The following OTUD7A variants were observed in gnomAD, a reference collection of about 807,000 sequenced individuals.
The protein encoded by OTUD7A is OTU domain-containing protein 7A.
Under a neutral mutation model 65.7 loss-of-function variants are expected in OTUD7A, and 12 were observed. The ratio of observed to expected loss-of-function variants is 0.18; its 90% confidence interval spans 0.12 to 0.30. The LOEUF (loss-of-function observed/expected upper bound fraction) is 0.30, where lower values mean the gene tolerates loss of function less well. OTUD7A is among the 10% of genes least tolerant of loss of function. The pLI, the probability that OTUD7A is intolerant of heterozygous loss-of-function variation, is 1.00. For synonymous variants in OTUD7A, 641 were observed against 586.3 expected, an observed-to-expected ratio of 1.09 and a Z score of -1.35; for missense variants, 1,148 against 1,304.8, an observed-to-expected ratio of 0.88 and a Z score of 1.85.
chr15:31,512,029 C>T (rs1249243960), intron 8 of OTUD7A, among the ~76,000 whole-genome samples: 1 of 152,148 alleles, frequency 6.6e-6, no homozygotes, highest in African/African-American at 2.4e-5. Context: ...CTTTTTGTGT[C>T]TAGTCCTAAG....
chr15:31,545,351 G>A (rs1486845214), intron 5 of OTUD7A, among the ~76,000 whole-genome samples: 1 of 152,038 alleles, frequency 6.6e-6, no homozygotes, highest in Non-Finnish European at 1.5e-5. Flanking sequence ...CAGGACCTTG[G>A]GGTAGGCAAA....
intron 1 of OTUD7A, chr15:31,768,265 G>A (rs1895141297): frequency 2.6e-6 from 2 of 769,942 alleles, no homozygotes; most frequent in Admixed American, 3.7e-5. Context: ...CAGCAGCCCG[G>A]GCAGCGGCGA....
chr15:31,517,052 G>T (rs1249999494), intron 8 of OTUD7A, among the ~76,000 whole-genome samples: 4 of 152,140 alleles, frequency 2.6e-5, no homozygotes, highest in Admixed American at 2.6e-4. Context: ...CTAGACACAG[G>T]CCAGACAGGA....
Position 31,530,696 on chromosome 15 carries a change from G to A in OTUD7A, c.652+11C>T, listed in dbSNP as rs1049821949. On this transcript the variant is annotated intron_variant, in intron 6 of 12. Transcript: ENST00000307050. ...AGCCTGGCCACCCTCTGTCTGTGCT[G>A]TGGAGCTTACCCAGTGAAGCAGCAT... 3.1e-6 allele frequency: 5 copies of A among 1,612,622 alleles called. No homozygotes were observed. Among genetic ancestry groups the A allele is most frequent in the Non-Finnish European group, 4.2e-6 (5 of 1,178,818 alleles).
At chr15:31,750,508 T>C (rs367578630) in intron 1 of OTUD7A, among the ~76,000 whole-genome samples, 2 of 140,428 alleles carry the variant, frequency 1.4e-5, no homozygotes, top group Non-Finnish European at 3.1e-5. Context: ...GAAAAAAAAA[T>C]CCAAAATTTA....
intron 9 of OTUD7A, among the ~76,000 whole-genome samples, chr15:31,503,050 G>A (rs1054995574): frequency 1.3e-5 from 2 of 152,200 alleles, no homozygotes; most frequent in African/African-American, 4.8e-5. Context: ...CCTGCCCTTG[G>A]CTGATCCCCG....
Position 31,851,755 on chromosome 15 carries a change from T to A in OTUD7A, c.-100+18752A>T, listed in dbSNP as rs184462901. On this transcript the variant is annotated intron_variant, in intron 1 of 12. Transcript: ENST00000307050. ...AGAGTTCACCAGTTACACATCCCCATGATTGACAATCCCATGTGAACTCTA... is the reference window on the plus strand; with the variant it reads ...AGAGTTCACCAGTTACACATCCCCAAGATTGACAATCCCATGTGAACTCTA... Among the ~76,000 whole-genome samples the A allele has an allele frequency of 7.9e-4, 121 of 152,360 alleles. 1 individual carries two copies. Among genetic ancestry groups the A allele is most frequent in the African/African-American group, 2.7e-3 (114 of 41,588 alleles).
chr15:31,572,087 ACATC>A (rs1889072593), intron 3 of OTUD7A, among the ~76,000 whole-genome samples: 1 of 152,216 alleles, frequency 6.6e-6, no homozygotes, highest in Non-Finnish European at 1.5e-5. Context: ...GTTACAACTT[ACATC>A]CTAAGTTTTA....
chr15:31,776,334 C>G (rs1895379370), intron 1 of OTUD7A, among the ~76,000 whole-genome samples: 1 of 152,324 alleles, frequency 6.6e-6, no homozygotes, highest in South Asian at 2.1e-4. Flanking sequence ...GGGCCAAGCC[C>G]TTGGTGTGAC....
intron 8 of OTUD7A, among the ~76,000 whole-genome samples, chr15:31,519,096 C>T (rs993248985): frequency 2.0e-5 from 3 of 151,242 alleles, no homozygotes; most frequent in Non-Finnish European, 4.4e-5. Flanking sequence ...TACTGATTAT[C>T]CACTACAGGT....
intron 1 of OTUD7A, among the ~76,000 whole-genome samples, chr15:31,738,885 A>G (rs1894263895): frequency 6.6e-6 from 1 of 152,246 alleles, no homozygotes; most frequent in South Asian, 2.1e-4. Context: ...CCTATTAAGT[A>G]TCCTTAAAGC....
At chr15:31,827,508 A>C (rs1181815061) in intron 1 of OTUD7A, among the ~76,000 whole-genome samples, 1 of 152,218 alleles carries the variant, frequency 6.6e-6, no homozygotes, top group Admixed American at 6.5e-5. Context: ...CACAGAGCTA[A>C]ACTGTATCAT....
chr15:31,686,637 G>A (rs1352462582), intron 1 of OTUD7A, among the ~76,000 whole-genome samples: 1 of 152,234 alleles, frequency 6.6e-6, no homozygotes, highest in African/African-American at 2.4e-5. Flanking sequence ...AAGGAAAAAG[G>A]AGATGTGGAA....
At chr15:31,523,720 G>C (rs1465314789) in intron 8 of OTUD7A, among the ~76,000 whole-genome samples, 1 of 152,224 alleles carries the variant, frequency 6.6e-6, no homozygotes, top group African/African-American at 2.4e-5. Context: ...TCAGGTGTCA[G>C]AAACTCAACC....
At chr15:31,720,095 T>G (rs1329363664) in intron 1 of OTUD7A, among the ~76,000 whole-genome samples, 2 of 152,070 alleles carry the variant, frequency 1.3e-5, no homozygotes, top group African/African-American at 4.8e-5. Context: ...TTAATAAAAA[T>G]GTAAATTGTA....
At chr15:31,660,522 C>A (rs1021718444) in intron 1 of OTUD7A, among the ~76,000 whole-genome samples, 10 of 152,214 alleles carry the variant, frequency 6.6e-5, no homozygotes, top group African/African-American at 2.4e-4. Flanking sequence ...GCGTAGAGCA[C>A]ATTATCATTT....
intron 3 of OTUD7A, among the ~76,000 whole-genome samples, chr15:31,612,642 A>G (rs1890463473): frequency 6.6e-6 from 1 of 152,240 alleles, no homozygotes; most frequent in South Asian, 2.1e-4. Context: ...AATAAATCAT[A>G]GATGACACAA....
rs865777267 is a variant in OTUD7A at position 31,483,949 on chromosome 15, G to A, written c.2147C>T (p.Ala716Val). The part of the protein sequence containing the change: ...ETEGVPVPER[A>V]SPGPPTQLVL... Reference sequence around the variant, plus strand: ...CAGCTGCGTGGGTGGGCCCGGAGAGGCGCGCTCCGGGACCGGCACGCCCTC... The same window carrying A: ...CAGCTGCGTGGGTGGGCCCGGAGAGACGCGCTCCGGGACCGGCACGCCCTC... The change falls in exon 13 of 13, where the codon GCC (alanine) becomes GTC (valine). Residue 716 changes from alanine to valine, a missense_variant. Coordinates refer to ENST00000307050, the MANE Select transcript of OTUD7A (RefSeq NM_001382637.1). 8.9e-7 allele frequency: 1 copy of A among 1,120,062 alleles called. No homozygotes were observed. Among genetic ancestry groups the A allele is most frequent in the Non-Finnish European group, 1.1e-6 (1 of 908,276 alleles). 69.4% of individuals were successfully genotyped at this position (1,120,062 alleles called of 1,614,324 possible).
chr15:31,486,329 C>G (rs977235284), intron 12 of OTUD7A, among the ~76,000 whole-genome samples: 2 of 152,146 alleles, frequency 1.3e-5, no homozygotes, highest in Admixed American at 6.5e-5. Flanking sequence ...GGGTATCAGT[C>G]CCTGCCTCAT....
Sources: allele counts gnomAD v4.1 joint callset (sites outside exome capture counted in the v4.1 genomes callset), GRCh38; gene constraint gnomAD v4.1.1; transcripts MANE v1.5; gene names NCBI Gene and HGNC (gene_info 2026-07-23, HGNC 2026-07-21).